Variants in KLHL2 observed in about 807,000 individuals in gnomAD.
The protein encoded by KLHL2 is kelch-like protein 2.
In KLHL2, 15 loss-of-function variants were observed where a neutral mutation model predicts 75.8. That is an observed-to-expected ratio of 0.20 (90% confidence interval 0.13 to 0.30). KLHL2 has a LOEUF of 0.30. Among genes scored for constraint, KLHL2 ranks in the 10% least tolerant of loss-of-function variants. The pLI is 1.00. For missense variants in KLHL2, 381 were observed against 741.0 expected (o/e 0.51, Z 5.64); for synonymous variants, 214 against 251.9 (o/e 0.85, Z 1.42).
At chr4:165,320,374 G>A (rs941701335) in intron 14 of KLHL2, among the ~76,000 whole-genome samples, 6 of 152,068 alleles carry the variant, frequency 3.9e-5, no homozygotes, top group Non-Finnish European at 7.4e-5. Context: ...ATCTTTTCCC[G>A]GACTGGTTCC....
chr4:165,242,607 C>T (rs1739902312), intron 4 of KLHL2, among the ~76,000 whole-genome samples: 1 of 152,034 alleles, frequency 6.6e-6, no homozygotes, highest in South Asian at 2.1e-4. Flanking sequence ...AGCAATTCTC[C>T]CACCTCAGCC....
intron 4 of KLHL2, among the ~76,000 whole-genome samples, chr4:165,246,521 G>A (rs1740277858): frequency 6.6e-6 from 1 of 152,122 alleles, no homozygotes; most frequent in Non-Finnish European, 1.5e-5. Context: ...TTGGGCCTGG[G>A]TTGTTGGCGT....
chr4:165,209,960 C>A lies in KLHL2; in HGVS notation c.26+2058C>A, dbSNP rs533101147. 154 of 1,427,746 alleles carry A rather than the reference C, an allele frequency of 1.1e-4. 1 individual carries two copies. The highest frequency in any genetic ancestry group is 1.3e-4 in the Non-Finnish European group (145 of 1,079,804). 88.4% of individuals were successfully genotyped at this position (1,427,746 alleles called of 1,614,324 possible). ...ATTAACATCCCTCCACCATGGATCC[C>A]GTGTGCCGGATTTGAGACTTGCAGG... On this transcript the variant is annotated intron_variant, in intron 1 of 14. Coordinates refer to ENST00000226725, the MANE Select transcript of KLHL2 (RefSeq NM_007246.4).
At chr4:165,279,845 G>T (rs1336684562) in intron 5 of KLHL2, among the ~76,000 whole-genome samples, 1 of 152,202 alleles carries the variant, frequency 6.6e-6, no homozygotes, top group Non-Finnish European at 1.5e-5. Flanking sequence ...GCATACATCT[G>T]TCTTTAACAC....
intron 2 of KLHL2, among the ~76,000 whole-genome samples, chr4:165,223,564 A>C (rs1030147499): frequency 5.9e-5 from 9 of 152,204 alleles, no homozygotes; most frequent in African/African-American, 1.9e-4. Context: ...TGTGCAGAAA[A>C]GGTTAGGAAG....
At chr4:165,312,471 C>T (rs1262332863) in intron 11 of KLHL2, among the ~76,000 whole-genome samples, 2 of 151,942 alleles carry the variant, frequency 1.3e-5, no homozygotes, top group South Asian at 2.1e-4. Context: ...TTTCCACCCC[C>T]TCCTCATCGT....
chr4:165,213,863 A>G (rs564055004), intron 1 of KLHL2, among the ~76,000 whole-genome samples: 1 of 152,370 alleles, frequency 6.6e-6, no homozygotes, highest in Admixed American at 6.5e-5. Flanking sequence ...TATTCAGTTT[A>G]GATCCTGAAT....
intron 4 of KLHL2, among the ~76,000 whole-genome samples, chr4:165,258,730 A>C (rs186267488): frequency 2.6e-4 from 39 of 152,344 alleles, no homozygotes; most frequent in African/African-American, 9.1e-4. Flanking sequence ...CCAATAGTAC[A>C]ATGTATCTAC....
chr4:165,292,289 A>G (rs780776800), intron 5 of KLHL2, among the ~76,000 whole-genome samples: 1 of 152,104 alleles, frequency 6.6e-6, no homozygotes, highest in Non-Finnish European at 1.5e-5. Context: ...GTAAATACAA[A>G]CATTTTAGAG....
intron 6 of KLHL2, among the ~76,000 whole-genome samples, chr4:165,294,855 G>A (rs1248080741): frequency 6.6e-6 from 1 of 152,152 alleles, no homozygotes; most frequent in Admixed American, 6.5e-5. Context: ...CATAATATTT[G>A]TCACTAAATT....
At chr4:165,218,408 C>T (rs766427335) in intron 1 of KLHL2, among the ~76,000 whole-genome samples, 2 of 152,174 alleles carry the variant, frequency 1.3e-5, no homozygotes, top group Non-Finnish European at 2.9e-5. Context: ...GTAGTTACTA[C>T]TTCCATCCGG....
intron 13 of KLHL2, among the ~76,000 whole-genome samples, chr4:165,316,405 G>A (rs1011809159): frequency 5.9e-5 from 9 of 151,638 alleles, no homozygotes; most frequent in Non-Finnish European, 8.8e-5. Context: ...TGGAGCTTGT[G>A]TGGCAGCAGC....
In KLHL2 at chr4:165,264,704, GTATATATATATATATACATATATA is replaced by G. The variant is rs1160626654; in HGVS notation, c.544+1357_544+1380del. ...TGTATGTGTGTGTGTGTGTGTGTGT[GTATATATATATATATACATATATA>G]TATATATATATGTATATATATATAT... On this transcript the variant is annotated intron_variant, in intron 5 of 14. Coordinates refer to ENST00000226725, the MANE Select transcript of KLHL2 (RefSeq NM_007246.4). 3.0e-3 allele frequency among the ~76,000 whole-genome samples: 248 copies of G among 82,836 alleles called. 2 individuals carry two copies. The highest frequency in any genetic ancestry group is 0.011 in the African/African-American group (240 of 21,650). 54.3% of individuals were successfully genotyped at this position (82,836 alleles called of 152,430 possible).
At chr4:165,318,094 T>C in intron 14 of KLHL2, 125 bp downstream of exon 14, 3 of 798,724 alleles carry the variant, frequency 3.8e-6, no homozygotes, top group South Asian at 1.8e-5. Context: ...TATCTTATTC[T>C]TAAGATGATT....
At chr4:165,266,402 A>G (rs541500745) in intron 5 of KLHL2, among the ~76,000 whole-genome samples, 91 of 152,280 alleles carry the variant, frequency 6.0e-4, no homozygotes, top group African/African-American at 2.0e-3. Context: ...GCCCATGCCT[A>G]TGTCCTGAAT....
chr4:165,264,603 T>TAC (rs1230198850), intron 5 of KLHL2, among the ~76,000 whole-genome samples: 1 of 124,526 alleles, frequency 8.0e-6, no homozygotes, highest in Non-Finnish European at 1.7e-5. Flanking sequence ...TATATATATA[T>TAC]ATACACACAC....
At chr4:165,289,787 G>A (rs945941437) in intron 5 of KLHL2, among the ~76,000 whole-genome samples, 7 of 152,130 alleles carry the variant, frequency 4.6e-5, no homozygotes, top group African/African-American at 1.7e-4. Flanking sequence ...GGTCAGTGAA[G>A]CAGAGACTAA....
At chr4:165,213,592 A>G (rs372366684) in intron 1 of KLHL2, among the ~76,000 whole-genome samples, 2 of 152,172 alleles carry the variant, frequency 1.3e-5, no homozygotes, top group East Asian at 1.9e-4. Flanking sequence ...GGTGTTTGTC[A>G]CTGCACCTAT....
intron 14 of KLHL2, among the ~76,000 whole-genome samples, chr4:165,321,608 G>A (rs2126600452): frequency 6.6e-6 from 1 of 152,174 alleles, no homozygotes; most frequent in African/African-American, 2.4e-5. Flanking sequence ...TGCGTGGAGG[G>A]TCAGCACCCC....
Sources: gnomAD v4.1 joint callset for allele counts (sites outside exome capture counted in the v4.1 genomes callset) on GRCh38, gnomAD v4.1.1 for gene constraint, MANE v1.5 for transcripts, NCBI Gene and HGNC (gene_info 2026-07-23, HGNC 2026-07-21) for gene names.